Variants in RTEL1 observed in about 807,000 individuals in gnomAD.
The protein encoded by RTEL1 is regulator of telomere length.
Under a neutral mutation model 162.2 loss-of-function variants are expected in RTEL1, and 86 were observed. That is an observed-to-expected ratio of 0.53 (90% CI 0.45 to 0.63). RTEL1 has a LOEUF of 0.63. RTEL1 is among the 30% of genes least tolerant of loss of function. The probability of loss-of-function intolerance (pLI) is 0.00; values close to 1 mark genes in which losing one functional copy is unlikely to be tolerated. For missense variants in RTEL1, 1,941 were observed against 1,750.2 expected (o/e 1.11, Z -1.95); for synonymous variants, 958 against 717.9 (o/e 1.33, Z -5.35).
chr20:63,690,699 A>G lies in RTEL1; in HGVS notation c.2414-106A>G. ...AATAGCAGGGAGGACACCCACAGGCAGGACCCCAAGTGCTGGGACTCTCCC... is the reference window on the plus strand; with the variant it reads ...AATAGCAGGGAGGACACCCACAGGCGGGACCCCAAGTGCTGGGACTCTCCC... On this transcript the variant is annotated intron_variant, in intron 26 of 34. Coordinates refer to ENST00000360203, the MANE Select transcript of RTEL1 (RefSeq NM_001283009.2). 1.8e-5 allele frequency: 24 copies of G among 1,310,224 alleles called. No individual in the cohort carries two copies. The South Asian group carries it at 2.4e-4, about 13-fold the overall frequency. The allele number at this position is 1,310,224 out of a possible 1,614,324, so 81.2% of individuals were successfully genotyped here.
rs977950536 is a variant in RTEL1, at chr20:63,661,153, G to A, written c.103-145G>A. ...GGGACTTGCCTGTGGACTTCTCCGC[G>A]GTCCCACAGGGCTCTCGCCACCTGG... On this transcript the variant is annotated intron_variant, in intron 2 of 34. Coordinates refer to ENST00000360203, the MANE Select transcript of RTEL1 (RefSeq NM_001283009.2). The surrounding 1 kb of genome is among the most constrained non-coding windows in gnomAD (Gnocchi z 5.1). 11 of 688,630 alleles carry A rather than the reference G, an allele frequency of 1.6e-5. No individual in the cohort carries two copies. The highest frequency in any genetic ancestry group is 1.1e-4 in the African/African-American group (6 of 55,508). 42.7% of individuals were successfully genotyped at this position (688,630 alleles called of 1,614,324 possible).
At chr20:63,659,158 T>C in intron 1 of RTEL1, 75 bp from the exon 2 acceptor site, 1 of 529,128 alleles carries the variant, frequency 1.9e-6, no homozygotes, top group Non-Finnish European at 3.4e-6. Context: ...CAGGAGGGAC[T>C]GATGGAAACG....
chr20:63,691,459 CCA>C (rs1391369866), intron 27 of RTEL1, among the ~76,000 whole-genome samples: 1 of 152,146 alleles, frequency 6.6e-6, no homozygotes, highest in East Asian at 1.9e-4. Flanking sequence ...GGTGCAGGCA[CCA>C]GGCACCTGTG....
chr20:63,659,106 C>T (rs989094155), intron 1 of RTEL1, 127 bp from the exon 2 acceptor site: 1 of 352,126 alleles, frequency 2.8e-6, no homozygotes, highest in South Asian at 4.3e-5. Flanking sequence ...CCGCCAGCTC[C>T]TCGAGATGGG....
At chr20:63,681,077 G>A (rs1284328032) in intron 14 of RTEL1, 1 of 985,410 alleles carries the variant, frequency 1.0e-6, no homozygotes, top group African/African-American at 1.7e-5. Flanking sequence ...GAAGAGCTCT[G>A]GACACACGCG....
In RTEL1 at chr20:63,689,584, C is replaced by G. The variant is rs756319530; in HGVS notation, c.1961C>G (p.Pro654Arg). The G allele has an allele frequency of 6.2e-7, 1 of 1,612,368 alleles. No homozygotes were observed. Among genetic ancestry groups the G allele is most frequent in the Non-Finnish European group, 8.5e-7 (1 of 1,179,742 alleles). ...CTCCCGTACCCCCCACGCATGGACCCCCGGGTTGTCCTCAAGATGCAGTTC... is the reference window on the plus strand; with the variant it reads ...CTCCCGTACCCCCCACGCATGGACCGCCGGGTTGTCCTCAAGATGCAGTTC... The part of the protein sequence containing the change: ...TGLPYPPRMD[P>R]RVVLKMQFLD... The change falls in exon 23 of 35, where the codon CCC becomes CGC. Residue 654 changes from proline (P) to arginine (R), a missense_variant. Pro to Arg is a moderately radical substitution (Grantham distance 103, BLOSUM62 -2). Transcript: ENST00000360203.
intron 9 of RTEL1, 33 bp downstream of exon 9, chr20:63,672,654 A>G (rs1052811256): frequency 3.9e-6 from 6 of 1,532,638 alleles, no homozygotes; most frequent in African/African-American, 1.4e-5. Flanking sequence ...AACACCTCCT[A>G]TTGCTTCTGG....
At chr20:63,681,442 C>T (rs2090475622) in intron 14 of RTEL1, 1 of 985,346 alleles carries the variant, frequency 1.0e-6, no homozygotes, top group Non-Finnish European at 1.2e-6. Flanking sequence ...GTGAGGCCTC[C>T]TCTGTGCTGC....
chr20:63,662,484 A>G (rs957528813), intron 4 of RTEL1, 62 bp from the exon 5 acceptor site: 1 of 1,602,876 alleles, frequency 6.2e-7, no homozygotes, highest in African/African-American at 1.3e-5. Flanking sequence ...CTCACGCTGC[A>G]GGGCCACGCT....
rs754389601 is a variant in RTEL1 at position 63,692,831 on chromosome 20, G to A, written c.2679G>A (p.Thr893=). The A allele has an allele frequency of 1.4e-5, 23 of 1,612,266 alleles. No homozygotes were observed. The highest frequency in any genetic ancestry group is 4.0e-5 in the African/African-American group (3 of 74,926). The change falls in exon 29 of 35, where the codon ACG becomes ACA. Residue 893 remains threonine, a synonymous_variant. Coordinates refer to ENST00000360203, the MANE Select transcript of RTEL1 (RefSeq NM_001283009.2). ...AGGAGCCCGTGGCTGGTGCACAGAC[G>A]GACAGGGCCAAGCTCTTCATGGTGG... is the stretch of plus-strand genomic sequence containing the variant. ...HPEEPVAGAQ[T]DRAKLFMVAV... is the part of the protein sequence containing the mutation.
chr20:63,691,270 C>T (rs553287197), intron 27 of RTEL1, among the ~76,000 whole-genome samples: 56 of 152,338 alleles, frequency 3.7e-4, no homozygotes, highest in Non-Finnish European at 6.8e-4. Context: ...GCGCTTGAGG[C>T]TGGCCTTTCT....
chr20:63,667,695 G>T, intron 8 of RTEL1, 142 bp downstream of exon 8: 1 of 710,860 alleles, frequency 1.4e-6, no homozygotes, highest in Non-Finnish European at 2.5e-6. Context: ...CACTGGGCAG[G>T]GGCTCAACCT....
chr20:63,690,019 T>G, intron 24 of RTEL1, 68 bp from the exon 25 acceptor site: 1 of 1,581,068 alleles, frequency 6.3e-7, no homozygotes, highest in Non-Finnish European at 8.6e-7. Flanking sequence ...GATGAGGGTC[T>G]TCACTTCGGT....
At position 63,693,192 on chromosome 20, in the gene RTEL1, C is replaced by G. The variant is rs1437204344; in HGVS notation, c.2901C>G (p.Val967=). 3 of 1,612,062 alleles carry G rather than the reference C, an allele frequency of 1.9e-6. No individual in the cohort carries two copies. Among genetic ancestry groups the G allele is most frequent in the South Asian group, 2.2e-5 (2 of 91,096 alleles). Reference sequence around the variant, plus strand: ...ACCATAAGCAGCAGTTTGAGGAGGTCTGTATCCAGCTGACAGGACGAGGCT... The same window carrying G: ...ACCATAAGCAGCAGTTTGAGGAGGTGTGTATCCAGCTGACAGGACGAGGCT... ...RPHHKQQFEE[V]CIQLTGRGCG... Residue 967 remains valine (V), a synonymous_variant, in exon 30 of 35, where the codon GTC becomes GTG. Transcript: ENST00000360203.
At position 63,668,781 on chromosome 20, in the gene RTEL1, A is replaced by G. The variant is rs2090191085; in HGVS notation, c.699+1228A>G. Among the ~76,000 whole-genome samples, 1 of 152,176 alleles carries G rather than the reference A, an allele frequency of 6.6e-6. No homozygotes were observed. The highest frequency in any genetic ancestry group is 1.5e-5 in the Non-Finnish European group (1 of 68,040). ...CTGGGACAGTTATATCACAGCTGGTAAGCCGAGTCTAACACTTTCACGGAA... is the reference window on the plus strand; with the variant it reads ...CTGGGACAGTTATATCACAGCTGGTGAGCCGAGTCTAACACTTTCACGGAA... On this transcript the variant is annotated intron_variant, in intron 8 of 34. Coordinates refer to ENST00000360203, the MANE Select transcript of RTEL1 (RefSeq NM_001283009.2). The surrounding 1 kb of genome is among the most constrained non-coding windows in gnomAD (Gnocchi z 4.3).
In RTEL1 at chr20:63,662,468, A is replaced by G. The variant is rs1038422877; in HGVS notation, c.396-78A>G. The G allele has an allele frequency of 1.3e-5, 20 of 1,592,008 alleles. No individual in the cohort carries two copies. The highest frequency in any genetic ancestry group is 1.6e-5 in the Non-Finnish European group (19 of 1,169,820). The stretch of plus-strand genomic sequence containing the variant: ...ACCGCCGAGGCTCCTGCGTGTCTCC[A>G]TACAGCTCACGCTGCAGGGCCACGC... On this transcript the variant is annotated intron_variant, in intron 4 of 34. Coordinates refer to ENST00000360203, the MANE Select transcript of RTEL1 (RefSeq NM_001283009.2).
At position 63,680,730 on chromosome 20, in the gene RTEL1, C is replaced by G; in HGVS notation, c.1191+11C>G. 9 of 1,613,284 alleles carry G rather than the reference C, an allele frequency of 5.6e-6. No individual in the cohort carries two copies. Among genetic ancestry groups the G allele is most frequent in the Non-Finnish European group, 7.6e-6 (9 of 1,179,932 alleles). On this transcript the variant is annotated intron_variant, in intron 14 of 34. Transcript: ENST00000360203. The stretch of plus-strand genomic sequence containing the variant: ...GCGGACATTATCCAGGTGGGGCCTG[C>G]TCCTCTGTGGCATCTCCTTCCCTGA...
chr20:63,677,569 C>T (rs993350002), intron 10 of RTEL1, among the ~76,000 whole-genome samples: 4 of 152,152 alleles, frequency 2.6e-5, no homozygotes, highest in South Asian at 2.1e-4. Flanking sequence ...GCAGAGATGG[C>T]GCTGCTGCAC....
chr20:63,662,355 G>A (rs781388573), intron 4 of RTEL1, 191 bp from the exon 5 acceptor site: 6 of 1,151,554 alleles, frequency 5.2e-6, no homozygotes, highest in Non-Finnish European at 7.6e-6. Context: ...GGAAGCTGTC[G>A]AATCTCCTCC....
Sources: gnomAD v4.1 joint callset for allele counts (sites outside exome capture counted in the v4.1 genomes callset) on GRCh38, gnomAD v4.1.1 for gene constraint, Gnocchi (gnomAD v3.1) non-coding constraint, MANE v1.5 for transcripts, NCBI Gene and HGNC (gene_info 2026-07-23, HGNC 2026-07-21) for gene names.